MOV10: variants seen among roughly 807,000 people sequenced by gnomAD.
The protein encoded by MOV10 is RNA helicase MOV-10.
MOV10 carries 39 observed loss-of-function variants against 108.4 expected under a neutral mutation model. That is an observed-to-expected ratio of 0.36 (90% CI 0.28 to 0.47). MOV10 has a LOEUF of 0.47. MOV10 is among the 20% of genes least tolerant of loss of function. The probability of loss-of-function intolerance (pLI) is 1.00; values close to 1 mark genes in which losing one functional copy is unlikely to be tolerated. For missense variants in MOV10, 952 were observed against 1,297.6 expected (o/e 0.73, Z 4.09); for synonymous variants, 490 against 523.1 (o/e 0.94, Z 0.86).
chr1:112,676,050 G>C (rs1358540113), intron 2 of MOV10, among the ~76,000 whole-genome samples: 2 of 152,294 alleles, frequency 1.3e-5, no homozygotes, highest in South Asian at 2.1e-4. Flanking sequence ...CTCCATATTG[G>C]TGAAATCGTG....
chr1:112,679,156 A>G (rs1672429935), intron 2 of MOV10, among the ~76,000 whole-genome samples: 1 of 152,068 alleles, frequency 6.6e-6, no homozygotes, highest in Admixed American at 6.6e-5. Flanking sequence ...CCTTTCCTGA[A>G]CTGGGTCTAA....
At chr1:112,684,911 A>G (rs945968425) in intron 2 of MOV10, 1 of 152,226 alleles carries the variant, frequency 6.6e-6, no homozygotes, top group African/African-American at 2.4e-5. Flanking sequence ...TATAAAAATT[A>G]GCCCTTTGCC....
intron 12 of MOV10, 81 bp downstream of exon 12, chr1:112,696,332 T>G: frequency 7.0e-7 from 1 of 1,431,116 alleles, no homozygotes; most frequent in Non-Finnish European, 9.9e-7. Context: ...GGAAGAATGG[T>G]TTCCGGAGTG....
intron 17 of MOV10, 106 bp downstream of exon 17, chr1:112,698,895 C>T: frequency 2.1e-6 from 2 of 945,754 alleles, no homozygotes; most frequent in African/African-American, 3.2e-5. Context: ...CCGTCCCACC[C>T]CTGCTGCCTT....
intron 2 of MOV10, among the ~76,000 whole-genome samples, chr1:112,685,384 C>T (rs1406735291): frequency 2.0e-5 from 3 of 151,766 alleles, no homozygotes; most frequent in African/African-American, 4.8e-5. Context: ...CGGCCGGGCA[C>T]GGTGGCTCAC....
At chr1:112,696,095 G>T (rs938843009) in intron 11 of MOV10, 53 bp from the exon 12 acceptor site, 2 of 1,219,834 alleles carry the variant, frequency 1.6e-6, no homozygotes, top group Non-Finnish European at 1.2e-6. Flanking sequence ...CCAGAATCAC[G>T]GTGGGAATGA....
At chr1:112,697,367 G>T (rs943250992) in intron 14 of MOV10, among the ~76,000 whole-genome samples, 18 of 152,180 alleles carry the variant, frequency 1.2e-4, no homozygotes, top group African/African-American at 3.1e-4. Flanking sequence ...TTACTTGGGA[G>T]GCTGAGGCAG....
At chr1:112,682,558 A>G (rs1455470506) in intron 2 of MOV10, among the ~76,000 whole-genome samples, 3 of 152,224 alleles carry the variant, frequency 2.0e-5, no homozygotes, top group Admixed American at 6.5e-5. Context: ...AAATGCATAT[A>G]TCTGTGTGCA....
intron 17 of MOV10, chr1:112,699,272 G>A: frequency 4.3e-6 from 1 of 233,396 alleles, no homozygotes; most frequent in Non-Finnish European, 8.2e-6. Context: ...ATTCTAATAT[G>A]CAGCCAGGGT....
rs781686168 is a variant in MOV10, at chr1:112,700,644, C to A, written c.*137C>A. 6 of 1,541,814 alleles carry A rather than the reference C, an allele frequency of 3.9e-6. No individual in the cohort carries two copies. The African/African-American group carries it at 6.9e-5, about 18-fold the overall frequency. On this transcript the variant is annotated 3_prime_UTR_variant, in exon 21 of 21. Coordinates refer to ENST00000369645, the MANE Select transcript of MOV10 (RefSeq NM_001321324.2). ...GTTTACAACCCAAGCCATTCCACCC[C>A]CTCCCCTGCTGGGGAGAATGACACA...
chr1:112,683,651 A>G (rs186072069), intron 2 of MOV10, among the ~76,000 whole-genome samples: 1 of 152,198 alleles, frequency 6.6e-6, no homozygotes, highest in Admixed American at 6.5e-5. Flanking sequence ...GTTGTTCCGT[A>G]TCCTTACCAG....
Position 112,699,890 on chromosome 1 carries a change from C to T in MOV10, c.2710-4C>T. 6.2e-7 allele frequency: 1 copy of T among 1,614,190 alleles called. No individual in the cohort carries two copies. The highest frequency in any genetic ancestry group is 8.5e-7 in the Non-Finnish European group (1 of 1,180,018). On this transcript the variant is annotated splice_region_variant and splice_polypyrimidine_tract_variant and intron_variant, in intron 18 of 20. Coordinates refer to ENST00000369645, the MANE Select transcript of MOV10 (RefSeq NM_001321324.2). ...CCCATGACCACACCACTTCTTCCTTCCAGAGGTTCAATGTAGCTGTGACCC... is the reference window on the plus strand; with the variant it reads ...CCCATGACCACACCACTTCTTCCTTTCAGAGGTTCAATGTAGCTGTGACCC...
chr1:112,675,250 G>T lies in MOV10; in HGVS notation c.137+201G>T, dbSNP rs1031116449. 6.6e-6 allele frequency among the ~76,000 whole-genome samples: 1 copy of T among 152,030 alleles called. No individual in the cohort carries two copies. Among genetic ancestry groups the T allele is most frequent in the East Asian group, 1.9e-4 (1 of 5,156 alleles). On this transcript the variant is annotated intron_variant, in intron 2 of 20. Transcript: ENST00000369645. The surrounding 1 kb of genome is among the most constrained non-coding windows in gnomAD (Gnocchi z 4.7). ...GCGCCGCCCGGAGCCCGCCAGTTCT[G>T]CCCGAGCTGGGCCCCTGCGCCAAGT...
chr1:112,692,657 G>A lies in MOV10; in HGVS notation c.972-104G>A, dbSNP rs1047313296. The A allele has an allele frequency of 5.5e-6, 8 of 1,451,106 alleles. No homozygotes were observed. The African/African-American group carries it at 8.5e-5, about 15-fold the overall frequency. 89.9% of individuals were successfully genotyped at this position (1,451,106 alleles called of 1,614,324 possible). Reference sequence around the variant, plus strand: ...TAGTCTTCTCTGCTTTTTGACGCTAGTTCCAGAGCTTCAGGTGGGAGAAGG... The same window carrying A: ...TAGTCTTCTCTGCTTTTTGACGCTAATTCCAGAGCTTCAGGTGGGAGAAGG... On this transcript the variant is annotated intron_variant, in intron 6 of 20. Transcript: ENST00000369645.
chr1:112,695,559 A>C lies in MOV10; in HGVS notation c.1764A>C (p.Val588=). The change falls in exon 11 of 21, where the codon GTA becomes GTC. Residue 588 remains valine (V), a synonymous_variant. Transcript: ENST00000369645. ...LLAPSRDIRM[V]PEDIKPCCNW... ...CCCCCAGCAGGGACATCCGCATGGT[A>C]CCTGAGGACATCAAGGTACTAGGGA... 1 of 1,613,950 alleles carries C rather than the reference A, an allele frequency of 6.2e-7. No individual in the cohort carries two copies. The highest frequency in any genetic ancestry group is 8.5e-7 in the Non-Finnish European group (1 of 1,179,966).
At chr1:112,684,495 C>T (rs1672920698) in intron 2 of MOV10, among the ~76,000 whole-genome samples, 2 of 148,874 alleles carry the variant, frequency 1.3e-5, no homozygotes, top group African/African-American at 5.0e-5. Context: ...CTCAAACTCC[C>T]GACCTCAGGT....
chr1:112,693,960 C>T (rs1267012033), intron 7 of MOV10, 58 bp from the exon 8 acceptor site: 10 of 1,560,976 alleles, frequency 6.4e-6, no homozygotes, highest in Non-Finnish European at 7.0e-6. Context: ...AACCTGGGGG[C>T]TGGGCCCTCC....
intron 2 of MOV10, chr1:112,688,458 G>C: frequency 9.7e-7 from 1 of 1,029,130 alleles, no homozygotes; most frequent in Non-Finnish European, 1.2e-6. Flanking sequence ...TTGGACATCT[G>C]TACTGTCTCT....
chr1:112,693,914 G>A (rs1359766197), intron 7 of MOV10, 104 bp from the exon 8 acceptor site: 22 of 974,198 alleles, frequency 2.3e-5, no homozygotes, highest in African/African-American at 1.3e-4. Context: ...TAGGTTAGAA[G>A]GCCAGTCTCA....
Sources: gnomAD v4.1 joint callset for allele counts (sites outside exome capture counted in the v4.1 genomes callset) on GRCh38, gnomAD v4.1.1 for gene constraint, Gnocchi (gnomAD v3.1) non-coding constraint, MANE v1.5 for transcripts, NCBI Gene and HGNC (gene_info 2026-07-23, HGNC 2026-07-21) for gene names.